RIMS2: variants seen among roughly 807,000 people sequenced by gnomAD.
RIMS2 encodes regulating synaptic membrane exocytosis 2.
In RIMS2, 59 loss-of-function variants were observed where a neutral mutation model predicts 174.4. That is an observed-to-expected ratio of 0.34 (90% CI 0.27 to 0.42). RIMS2 has a LOEUF of 0.42. RIMS2 is among the 10% of genes least tolerant of loss of function. RIMS2 has a pLI of 1.00. For synonymous variants in RIMS2, 606 were observed against 572.5 expected (o/e 1.06, Z -0.84); for missense variants, 1,620 against 1,666.3 (o/e 0.97, Z 0.48).
intron 19 of RIMS2, among the ~76,000 whole-genome samples, chr8:104,129,654 G>T (rs2098459006): frequency 6.6e-6 from 1 of 152,138 alleles, no homozygotes; most frequent in South Asian, 2.1e-4. Context: ...ATACAGATGG[G>T]CAGATATTTG....
rs551415733 is a variant in RIMS2, at chr8:103,982,439, A to T, written c.2928-6866A>T. 3.6e-3 allele frequency among the ~76,000 whole-genome samples: 367 copies of T among 101,042 alleles called. 1 individual carries two copies. Among genetic ancestry groups the T allele is most frequent in the South Asian group, 0.014 (57 of 4,016 alleles). The allele number at this position is 101,042 out of a possible 152,430, so 66.3% of individuals were successfully genotyped here. ...ATACCAAAAGCAGACAAAGACACAT[A>T]AAAAAAAAAAACTACAGACCAATAT... On this transcript the variant is annotated intron_variant, in intron 16 of 23. Transcript: ENST00000504942.
chr8:103,916,557 T>G lies in RIMS2; in HGVS notation c.2036+20T>G. 6.3e-7 allele frequency: 1 copy of G among 1,588,248 alleles called. No individual in the cohort carries two copies. The highest frequency in any genetic ancestry group is 8.6e-7 in the Non-Finnish European group (1 of 1,168,638). On this transcript the variant is annotated intron_variant, in intron 8 of 23. Coordinates refer to ENST00000504942, the Ensembl canonical transcript of RIMS2. ...TATTGGGTAAGTTGGTTTCAGTATT[T>G]TATATGTGTGTGAAGTTGAATAGTG...
chr8:103,663,319 T>C (rs2096627140), intron 1 of RIMS2, among the ~76,000 whole-genome samples: 1 of 152,148 alleles, frequency 6.6e-6, no homozygotes, highest in Admixed American at 6.5e-5. Flanking sequence ...TAAAGGGTAT[T>C]CAGTTAGGAA....
chr8:104,053,310 G>C lies in RIMS2; in HGVS notation c.3334+38695G>C, dbSNP rs184154691. 3.3e-5 allele frequency among the ~76,000 whole-genome samples: 5 copies of C among 152,300 alleles called. No homozygotes were observed. In the East Asian group the frequency reaches 9.7e-4, roughly 29 times the overall value. ...TTATAACTCAAGTATACAAGGCTCA[G>C]TTGAATGAACCCAGATGCTCAAGTT... On this transcript the variant is annotated intron_variant, in intron 19 of 23. Transcript: ENST00000504942.
chr8:104,132,908 T>C (rs2098484481), intron 19 of RIMS2, among the ~76,000 whole-genome samples: 1 of 152,222 alleles, frequency 6.6e-6, no homozygotes, highest in Non-Finnish European at 1.5e-5. Context: ...TTAGAAATGC[T>C]GTTTTCAGGT....
rs138525262 is a variant in RIMS2, at chr8:103,559,221, C to T, written c.176+58159C>T. On this transcript the variant is annotated intron_variant, in intron 1 of 23. Coordinates refer to ENST00000504942, the Ensembl canonical transcript of RIMS2. ...TTATTTCTCTTCCTCTTCCTCCCCACTTCCTTCTTCTTCTTTTTCATCTCT... is the reference window on the plus strand; with the variant it reads ...TTATTTCTCTTCCTCTTCCTCCCCATTTCCTTCTTCTTCTTTTTCATCTCT... 2.5e-3 allele frequency: 499 copies of T among 200,188 alleles called. 1 individual carries two copies. The highest frequency in any genetic ancestry group is 0.011 in the African/African-American group (465 of 41,692). The allele number at this position is 200,188 out of a possible 1,614,324, so 12.4% of individuals were successfully genotyped here. A position where few individuals can be genotyped will look rare whatever the true frequency, so the allele number is the denominator to read the frequency against.
At chr8:103,860,203 G>A (rs1594014499) in intron 3 of RIMS2, among the ~76,000 whole-genome samples, 1 of 152,080 alleles carries the variant, frequency 6.6e-6, no homozygotes, top group African/African-American at 2.4e-5. Context: ...AACTGAGATG[G>A]CTCACTGATC....
At chr8:103,950,498 G>C (rs56275097) in intron 14 of RIMS2, among the ~76,000 whole-genome samples, 19,290 of 152,016 alleles carry the variant, frequency 0.13, 1,690 homozygotes, top group Non-Finnish European at 0.19. Flanking sequence ...AACAGAATGT[G>C]ACTCACCATA....
intron 19 of RIMS2, among the ~76,000 whole-genome samples, chr8:104,130,869 G>A (rs2098468605): frequency 1.3e-5 from 2 of 152,010 alleles, no homozygotes; most frequent in African/African-American, 4.8e-5. Context: ...CAGATGTCAA[G>A]GCACATAAAA....
At chr8:103,933,378 C>T (rs1023760899) in intron 12 of RIMS2, among the ~76,000 whole-genome samples, 1 of 151,638 alleles carries the variant, frequency 6.6e-6, no homozygotes, top group East Asian at 1.9e-4. Flanking sequence ...CCCAGCTACT[C>T]GGGAGGCTGA....
chr8:103,733,433 T>A (rs912753051), intron 2 of RIMS2, among the ~76,000 whole-genome samples: 2 of 152,044 alleles, frequency 1.3e-5, no homozygotes, highest in Non-Finnish European at 2.9e-5. Flanking sequence ...GGTGTCTCAC[T>A]TGGTTGCATG....
chr8:103,561,619 A>G (rs1203726487), intron 1 of RIMS2, among the ~76,000 whole-genome samples: 1 of 152,230 alleles, frequency 6.6e-6, no homozygotes, highest in Non-Finnish European at 1.5e-5. Context: ...CTAGAGCAAC[A>G]AAACAAAAAA....
intron 3 of RIMS2, among the ~76,000 whole-genome samples, chr8:103,780,530 C>T (rs73697656): frequency 5.3e-5 from 8 of 152,078 alleles, no homozygotes; most frequent in African/African-American, 1.9e-4. Context: ...TGTTGAGAGC[C>T]TCTAATGATT....
At chr8:103,744,459 G>A (rs1425626520) in intron 2 of RIMS2, among the ~76,000 whole-genome samples, 3 of 152,140 alleles carry the variant, frequency 2.0e-5, no homozygotes, top group Admixed American at 2.0e-4. Flanking sequence ...AAAATGAGCT[G>A]TATGGCTTTA....
chr8:103,501,145 A>G (rs1370788324), intron 1 of RIMS2, 83 bp downstream of exon 1: 2 of 1,106,456 alleles, frequency 1.8e-6, no homozygotes, highest in African/African-American at 1.6e-5. Context: ...TGCGCGCCCC[A>G]GTTCGCCGCC....
At chr8:103,944,832 A>T (rs1163810246) in intron 14 of RIMS2, among the ~76,000 whole-genome samples, 2 of 152,058 alleles carry the variant, frequency 1.3e-5, no homozygotes, top group Non-Finnish European at 2.9e-5. Context: ...AAGCCTGAAG[A>T]TAAGTAAAAA....
intron 2 of RIMS2, among the ~76,000 whole-genome samples, chr8:103,749,987 G>C (rs945552490): frequency 6.6e-6 from 1 of 152,010 alleles, no homozygotes; most frequent in Non-Finnish European, 1.5e-5. Context: ...TGGGTTCTAA[G>C]CTTAAATTCC....
intron 1 of RIMS2, among the ~76,000 whole-genome samples, chr8:103,534,379 A>G (rs1240987872): frequency 6.6e-6 from 1 of 152,198 alleles, no homozygotes; most frequent in Non-Finnish European, 1.5e-5. Flanking sequence ...AAAGACATAT[A>G]CATATTTCAA....
intron 19 of RIMS2, among the ~76,000 whole-genome samples, chr8:104,053,721 A>G (rs1434501353): frequency 6.6e-6 from 1 of 152,176 alleles, no homozygotes; most frequent in East Asian, 1.9e-4. Context: ...TTAGTTAAAT[A>G]AATTACCCAA....
Sources: gnomAD v4.1 joint callset for allele counts (sites outside exome capture counted in the v4.1 genomes callset) on GRCh38, gnomAD v4.1.1 for gene constraint, MANE v1.5 for transcripts, NCBI Gene and HGNC (gene_info 2026-07-23, HGNC 2026-07-21) for gene names.